Variants in IRS1 observed in about 807,000 individuals in gnomAD.
IRS1 encodes the protein insulin receptor substrate 1.
IRS1 carries 34 observed loss-of-function variants against 65.6 expected under a neutral mutation model. The ratio of observed to expected loss-of-function variants is 0.52; its 90% CI spans 0.39 to 0.69. The LOEUF is 0.69. Among genes scored for constraint, IRS1 ranks in the 30% least tolerant of loss-of-function variants. The pLI, the probability that IRS1 is intolerant of heterozygous loss-of-function variation, is 0.00. For synonymous variants in IRS1, 699 were observed against 683.5 expected, an observed-to-expected ratio of 1.02 and a Z score of -0.35; for missense variants, 1,641 against 1,720.2, an observed-to-expected ratio of 0.95 and a Z score of 0.81.
intron 1 of IRS1, among the ~76,000 whole-genome samples, chr2:226,761,468 G>A (rs1025463847): frequency 2.6e-5 from 4 of 151,654 alleles, no homozygotes; most frequent in African/African-American, 9.7e-5. Context: ...TCTATCCCAG[G>A]GAAAAAAAGT....
intron 1 of IRS1, among the ~76,000 whole-genome samples, chr2:226,749,197 C>CA (rs1325510331): frequency 6.6e-6 from 1 of 152,186 alleles, no homozygotes; most frequent in East Asian, 1.9e-4. Flanking sequence ...TAAATTATTA[C>CA]ATGTCACAAG....
intron 1 of IRS1, among the ~76,000 whole-genome samples, chr2:226,780,996 A>T (rs779343584): frequency 6.6e-6 from 1 of 152,222 alleles, no homozygotes; most frequent in Non-Finnish European, 1.5e-5. Flanking sequence ...CATGAAATGA[A>T]GAGTGAGCCT....
chr2:226,741,818 CACACACACATAA>C (rs999781036), intron 1 of IRS1, among the ~76,000 whole-genome samples: 39 of 136,726 alleles, frequency 2.9e-4, no homozygotes, highest in Admixed American at 6.6e-4. Flanking sequence ...CACACACACA[CACACACACATAA>C]CACACACACA....
chr2:226,765,620 C>T (rs1219011028), intron 1 of IRS1, among the ~76,000 whole-genome samples: 1 of 152,164 alleles, frequency 6.6e-6, no homozygotes, highest in Non-Finnish European at 1.5e-5. Flanking sequence ...AGCTTTTCCA[C>T]CTGCCTACTC....
chr2:226,760,908 C>G (rs1314921637), intron 1 of IRS1, among the ~76,000 whole-genome samples: 1 of 152,206 alleles, frequency 6.6e-6, no homozygotes, highest in African/African-American at 2.4e-5. Context: ...CTATCTTTTG[C>G]TGTCACCAGA....
intron 1 of IRS1, among the ~76,000 whole-genome samples, chr2:226,765,955 T>C (rs1404242782): frequency 6.6e-6 from 1 of 150,784 alleles, no homozygotes; most frequent in Non-Finnish European, 1.5e-5. Context: ...ACTAGAAAAT[T>C]CTTAAATGAA....
Position 226,796,764 on chromosome 2 carries a change from G to A in IRS1, c.1975C>T (p.Pro659Ser), listed in dbSNP as rs763843262. Residue 659 changes from proline (P) to serine (S), a missense_variant, in exon 1 of 2, where the codon CCC (proline) becomes TCC (serine). Pro to Ser is a moderately conservative substitution (Grantham distance 74). Coordinates refer to ENST00000305123, the MANE Select transcript of IRS1 (RefSeq NM_005544.3). Reference protein sequence around the residue: ...PIRRHPQRVDPNGYMMMSPSG... With the variant: ...PIRRHPQRVDSNGYMMMSPSG... ...GGGGACATCATCATGTAGCCATTGGGGTCCACTCTCTGGGGATGGCGTCTG... is the reference window on the plus strand; with the variant it reads ...GGGGACATCATCATGTAGCCATTGGAGTCCACTCTCTGGGGATGGCGTCTG... 6.2e-6 allele frequency: 10 copies of A among 1,600,552 alleles called. No individual in the cohort carries two copies. The highest frequency in any genetic ancestry group is 8.5e-6 in the Non-Finnish European group (10 of 1,172,088).
Position 226,797,811 on chromosome 2 carries a change from C to G in IRS1, c.928G>C (p.Ala310Pro). Residue 310 changes from alanine to proline, a missense_variant, in exon 1 of 2, where the codon GCC becomes CCC. Coordinates refer to ENST00000305123, the MANE Select transcript of IRS1 (RefSeq NM_005544.3). The surrounding 1 kb of genome is among the most constrained non-coding windows in gnomAD (Gnocchi z 8.1). ...CCCACCATGCTGGCCGGGGAGGTGG[C>G]GGTGATGCTCTCAGTGCGTGATCGG... ...TRRSRTESIT[A>P]TSPASMVGGK... 1 of 1,601,362 alleles carries G rather than the reference C, an allele frequency of 6.2e-7. No individual in the cohort carries two copies. The highest frequency in any genetic ancestry group is 8.5e-7 in the Non-Finnish European group (1 of 1,174,904).
chr2:226,775,033 A>G (rs1053337120), intron 1 of IRS1, among the ~76,000 whole-genome samples: 2 of 152,218 alleles, frequency 1.3e-5, no homozygotes, highest in African/African-American at 4.8e-5. Context: ...GTAATTAAGC[A>G]TTTGTCAAAA....
chr2:226,764,244 C>A (rs1423705111), intron 1 of IRS1, among the ~76,000 whole-genome samples: 1 of 151,906 alleles, frequency 6.6e-6, no homozygotes, highest in Non-Finnish European at 1.5e-5. Flanking sequence ...AGAATCAGAG[C>A]TAAAAATACA....
At chr2:226,765,188 T>G (rs1245115207) in intron 1 of IRS1, among the ~76,000 whole-genome samples, 1 of 152,244 alleles carries the variant, frequency 6.6e-6, no homozygotes, top group Non-Finnish European at 1.5e-5. Context: ...CCTCTGATCT[T>G]AGCCTTACGA....
At chr2:226,738,356 C>T (rs1287444270) in intron 1 of IRS1, among the ~76,000 whole-genome samples, 1 of 152,196 alleles carries the variant, frequency 6.6e-6, no homozygotes, top group Non-Finnish European at 1.5e-5. Context: ...TGGCTGGCAT[C>T]AGTCATCATT....
rs1433461989 is a variant in IRS1 at position 226,732,560 on chromosome 2, ATATG to A, written c.*3708_*3711del. On this transcript the variant is annotated 3_prime_UTR_variant, in exon 2 of 2. Coordinates refer to ENST00000305123, the MANE Select transcript of IRS1 (RefSeq NM_005544.3). Reference sequence around the variant, plus strand: ...TCTATATATGTGTATATATATCTATATATGTGTGTATATATCTATATATTTGTAT... The same window carrying A: ...TCTATATATGTGTATATATATCTATATGTGTATATATCTATATATTTGTAT... 1 of 149,558 alleles carries A rather than the reference ATATG, an allele frequency of 6.7e-6. No individual in the cohort carries two copies. Among genetic ancestry groups the A allele is most frequent in the South Asian group, 2.1e-4 (1 of 4,766 alleles). The allele number at this position is 149,558 out of a possible 1,614,324, so 9.3% of individuals were successfully genotyped here.
chr2:226,744,801 A>C (rs1938505188), intron 1 of IRS1, among the ~76,000 whole-genome samples: 1 of 152,196 alleles, frequency 6.6e-6, no homozygotes, highest in Admixed American at 6.5e-5. Flanking sequence ...CCCTGATCTA[A>C]GGAACGTCTC....
At chr2:226,782,135 G>C (rs575888516) in intron 1 of IRS1, among the ~76,000 whole-genome samples, 1 of 152,114 alleles carries the variant, frequency 6.6e-6, no homozygotes, top group South Asian at 2.1e-4. Context: ...GAGGGAGCTA[G>C]TAAGGGTGGG....
intron 1 of IRS1, among the ~76,000 whole-genome samples, chr2:226,741,786 AACACAC>A (rs145806509): frequency 0.015 from 2,041 of 138,534 alleles, 47 homozygotes; most frequent in African/African-American, 0.051. Flanking sequence ...GAGCCCAGTA[AACACAC>A]ACACACACAC....
Position 226,798,968 on chromosome 2 carries a change from C to A in IRS1, c.-230G>T. 1.4e-6 allele frequency: 2 copies of A among 1,442,046 alleles called. No homozygotes were observed. Among genetic ancestry groups the A allele is most frequent in the Non-Finnish European group, 9.1e-7 (1 of 1,096,194 alleles). 89.3% of individuals were successfully genotyped at this position (1,442,046 alleles called of 1,614,324 possible). ...CCGGAGTTTTCGGGCGCTTCACGCC[C>A]GGCGGGGAGGCAGTGCGTCCGGGGT... On this transcript the variant is annotated 5_prime_UTR_variant, in exon 1 of 2. Coordinates refer to ENST00000305123, the MANE Select transcript of IRS1 (RefSeq NM_005544.3). The surrounding 1 kb of genome is among the most constrained non-coding windows in gnomAD (Gnocchi z 9.4).
In IRS1 at chr2:226,794,859, C is replaced by A; in HGVS notation, c.*21+130G>T. 1.2e-6 allele frequency: 1 copy of A among 837,748 alleles called. No homozygotes were observed. The highest frequency in any genetic ancestry group is 2.0e-6 in the Non-Finnish European group (1 of 495,156). 51.9% of individuals were successfully genotyped at this position (837,748 alleles called of 1,614,324 possible). A position where few individuals can be genotyped will look rare whatever the true frequency, so the allele number is the denominator to read the frequency against. On this transcript the variant is annotated intron_variant, in intron 1 of 1. Transcript: ENST00000305123. The surrounding 1 kb of genome is among the most constrained non-coding windows in gnomAD (Gnocchi z 4.1). The stretch of plus-strand genomic sequence containing the variant: ...GTGTGGGGTGAGCATCTTGTGTGCC[C>A]TGAGAATGTAAGTGCATTCTCCCTG...
rs767817629 is a variant in IRS1 at position 226,796,561 on chromosome 2, T to A, written c.2178A>T (p.Leu726Phe). The A allele has an allele frequency of 1.6e-5, 26 of 1,613,844 alleles. No homozygotes were observed. In the African/African-American group the frequency reaches 3.3e-4, roughly 21 times the overall value. Reference sequence around the variant, plus strand: ...TGTTCATGTAGTCACCTGTGCAAGGTAAGAGCTTACCACCGCTGCTCTCCA... The same window carrying A: ...TGTTCATGTAGTCACCTGTGCAAGGAAAGAGCTTACCACCGCTGCTCTCCA... ...PPVESSGGKL[L>F]PCTGDYMNMS... The change falls in exon 1 of 2, where the codon TTA (leucine) becomes TTT (phenylalanine). Residue 726 changes from leucine to phenylalanine, a missense_variant. By Grantham distance (22) the Leu-to-Phe change is conservative (BLOSUM62 0). Coordinates refer to ENST00000305123, the MANE Select transcript of IRS1 (RefSeq NM_005544.3).
Sources: gnomAD v4.1 joint callset for allele counts (sites outside exome capture counted in the v4.1 genomes callset) on GRCh38, gnomAD v4.1.1 for gene constraint, Gnocchi (gnomAD v3.1) non-coding constraint, MANE v1.5 for transcripts, NCBI Gene and HGNC (gene_info 2026-07-23, HGNC 2026-07-21) for gene names.